The following MYRIP variants were observed in gnomAD, a reference collection of about 807,000 sequenced individuals.
MYRIP encodes the protein rab effector MyRIP.
A neutral mutation model predicts 98.0 loss-of-function variants in MYRIP; 49 were observed. The observed-to-expected ratio is 0.50, with a 90% CI of 0.40 to 0.63. MYRIP has a LOEUF of 0.63. Ranked by LOEUF, MYRIP falls within the 30% of genes least tolerant of loss-of-function variation. The probability of loss-of-function intolerance (pLI) is 0.00; values close to 1 mark genes in which losing one functional copy is unlikely to be tolerated. For synonymous variants in MYRIP, 404 were observed against 409.5 expected, an observed-to-expected ratio of 0.99 and a Z score of 0.16; for missense variants, 1,004 against 1,058.2, an observed-to-expected ratio of 0.95 and a Z score of 0.71.
intron 2 of MYRIP, among the ~76,000 whole-genome samples, chr3:39,970,510 C>T (rs1233378207): frequency 6.6e-6 from 1 of 152,078 alleles, no homozygotes; most frequent in African/African-American, 2.4e-5. Flanking sequence ...AGCCCCCCAT[C>T]TCCTTTCGAT....
At chr3:40,204,256 G>C (rs1575629821) in intron 10 of MYRIP, among the ~76,000 whole-genome samples, 1 of 109,536 alleles carries the variant, frequency 9.1e-6, no homozygotes, top group Admixed American at 1.3e-4. Context: ...TTGAGACAGA[G>C]TCTCACTCTG....
intron 10 of MYRIP, among the ~76,000 whole-genome samples, chr3:40,199,173 C>T (rs1482989273): frequency 6.6e-6 from 1 of 152,140 alleles, no homozygotes; most frequent in Non-Finnish European, 1.5e-5. Flanking sequence ...GAGCTGAAAT[C>T]CAAGAGAAAC....
At chr3:39,990,006 C>T (rs2125770504) in intron 2 of MYRIP, among the ~76,000 whole-genome samples, 1 of 152,346 alleles carries the variant, frequency 6.6e-6, no homozygotes, top group African/African-American at 2.4e-5. Context: ...AGACAGCAGG[C>T]AACTGCAGCT....
intron 1 of MYRIP, among the ~76,000 whole-genome samples, chr3:39,874,915 G>C (rs1324762838): frequency 2.0e-5 from 3 of 152,112 alleles, no homozygotes; most frequent in African/African-American, 7.2e-5. Context: ...CAGAAGGAAT[G>C]GTACCAGTTC....
chr3:40,103,557 G>A (rs931502645), intron 3 of MYRIP, among the ~76,000 whole-genome samples: 1 of 152,206 alleles, frequency 6.6e-6, no homozygotes, highest in African/African-American at 2.4e-5. Context: ...TCAGGAGCTC[G>A]AGACCAGCCT....
At chr3:40,191,469 G>A (rs1951207386) in intron 10 of MYRIP, among the ~76,000 whole-genome samples, 1 of 152,092 alleles carries the variant, frequency 6.6e-6, no homozygotes, top group South Asian at 2.1e-4. Flanking sequence ...TGGCCAGATA[G>A]TGTCCCCTAT....
At chr3:39,884,950 A>G (rs1233749837) in intron 1 of MYRIP, among the ~76,000 whole-genome samples, 1 of 92,530 alleles carries the variant, frequency 1.1e-5, no homozygotes, top group Non-Finnish European at 2.0e-5. Context: ...CTCCCTCCCT[A>G]TCATAATGAT....
intron 8 of MYRIP, among the ~76,000 whole-genome samples, chr3:40,175,790 CA>C (rs1272583889): frequency 6.6e-6 from 1 of 152,342 alleles, no homozygotes; most frequent in East Asian, 1.9e-4. Context: ...AATTTCAGAC[CA>C]CTGGTCTAGG....
At chr3:40,051,623 C>T (rs1947796952) in intron 3 of MYRIP, among the ~76,000 whole-genome samples, 1 of 152,044 alleles carries the variant, frequency 6.6e-6, no homozygotes, top group African/African-American at 2.4e-5. Flanking sequence ...GCCTACATTA[C>T]CTTTAACACA....
At chr3:39,919,943 T>C (rs1267878863) in intron 2 of MYRIP, among the ~76,000 whole-genome samples, 1 of 152,156 alleles carries the variant, frequency 6.6e-6, no homozygotes, top group African/African-American at 2.4e-5. Flanking sequence ...TATCCTTACC[T>C]GACTTGTGAC....
chr3:40,182,786 T>C (rs1950919278), intron 9 of MYRIP, among the ~76,000 whole-genome samples: 1 of 152,216 alleles, frequency 6.6e-6, no homozygotes, highest in Admixed American at 6.5e-5. Flanking sequence ...ATTTCAACTT[T>C]CAAAGGGATT....
At chr3:39,970,959 T>G (rs547384627) in intron 2 of MYRIP, among the ~76,000 whole-genome samples, 7 of 152,094 alleles carry the variant, frequency 4.6e-5, no homozygotes, top group Non-Finnish European at 8.8e-5. Flanking sequence ...AACAGAAGTT[T>G]TGTTAACATG....
intron 3 of MYRIP, among the ~76,000 whole-genome samples, chr3:40,072,293 C>A (rs967788958): frequency 2.0e-5 from 3 of 152,166 alleles, no homozygotes; most frequent in African/African-American, 7.2e-5. Context: ...ACTGCAACCT[C>A]TACCTCCCGA....
At chr3:40,120,931 C>T (rs1354682895) in intron 3 of MYRIP, among the ~76,000 whole-genome samples, 1 of 152,170 alleles carries the variant, frequency 6.6e-6, no homozygotes, top group Non-Finnish European at 1.5e-5. Flanking sequence ...CCATTTCATT[C>T]CCCCATCCCC....
intron 10 of MYRIP, among the ~76,000 whole-genome samples, chr3:40,207,894 G>A (rs1362696516): frequency 6.6e-6 from 1 of 152,066 alleles, no homozygotes; most frequent in Non-Finnish European, 1.5e-5. Flanking sequence ...GAGACCTGCT[G>A]TCCTCTTTGA....
In MYRIP at chr3:40,218,626, A is replaced by ATAT. The variant is rs1559460523; in HGVS notation, c.1905+8534_1905+8536dup. Among the ~76,000 whole-genome samples, 8 of 14,806 alleles carry ATAT rather than the reference A, an allele frequency of 5.4e-4. 1 individual carries two copies. Among genetic ancestry groups the ATAT allele is most frequent in the African/African-American group, 8.7e-4 (8 of 9,242 alleles). The allele number at this position is 14,806 out of a possible 152,430, so 9.7% of individuals were successfully genotyped here. A position where few individuals can be genotyped will look rare whatever the true frequency, so the allele number is the denominator to read the frequency against. On this transcript the variant is annotated intron_variant, in intron 11 of 16. Transcript: ENST00000302541. ...ATATATATATTTTATATATATATAT[A>ATAT]TATATATATATATATATATATATAT...
intron 3 of MYRIP, among the ~76,000 whole-genome samples, chr3:40,137,263 T>C (rs1197055236): frequency 6.6e-6 from 1 of 152,034 alleles, no homozygotes; most frequent in Non-Finnish European, 1.5e-5. Flanking sequence ...CACCTCTACG[T>C]GAATAAACTA....
chr3:39,957,982 G>A (rs192929829), intron 2 of MYRIP, among the ~76,000 whole-genome samples: 2 of 152,252 alleles, frequency 1.3e-5, no homozygotes, highest in Non-Finnish European at 2.9e-5. Flanking sequence ...GGGATGTGAA[G>A]GACCTCTTCA....
intron 7 of MYRIP, 142 bp from the exon 8 acceptor site, chr3:40,169,808 G>T (rs140231484): frequency 1.1e-5 from 10 of 879,248 alleles, no homozygotes; most frequent in Non-Finnish European, 1.1e-5. Flanking sequence ...TTCTCATAGC[G>T]CAGATCTGAA....
Sources: allele counts gnomAD v4.1 joint callset (sites outside exome capture counted in the v4.1 genomes callset), GRCh38; gene constraint gnomAD v4.1.1; transcripts MANE v1.5; gene names NCBI Gene and HGNC (gene_info 2026-07-23, HGNC 2026-07-21).